HHAT: variants seen among roughly 807,000 people sequenced by gnomAD.
HHAT encodes hedgehog acyltransferase.
Under a neutral mutation model 70.8 loss-of-function variants are expected in HHAT, and 47 were observed. That is an observed-to-expected ratio of 0.66 (90% confidence interval 0.53 to 0.85). The LOEUF is 0.85. Ranked by LOEUF, HHAT falls within the 40% of genes least tolerant of loss-of-function variation. The pLI, the probability that HHAT is intolerant of heterozygous loss-of-function variation, is 0.00. For missense variants in HHAT, 609 were observed against 604.8 expected, an observed-to-expected ratio of 1.01 and a Z score of -0.07; for synonymous variants, 228 against 247.6, an observed-to-expected ratio of 0.92 and a Z score of 0.74.
rs1680806710 is a variant in HHAT at position 210,674,390 on chromosome 1, C to T, written c.*11C>T. On this transcript the variant is annotated 3_prime_UTR_variant, in exon 12 of 12. Coordinates refer to ENST00000261458, the MANE Select transcript of HHAT (RefSeq NM_018194.6). ...TACGCCACGGACTAATGCTGTTGGGCCCAGGCCAGTCCTTGTTGCTGGCCT... is the reference window on the plus strand; with the variant it reads ...TACGCCACGGACTAATGCTGTTGGGTCCAGGCCAGTCCTTGTTGCTGGCCT... 6.2e-7 allele frequency: 1 copy of T among 1,608,560 alleles called. No homozygotes were observed. Among genetic ancestry groups the T allele is most frequent in the African/African-American group, 1.3e-5 (1 of 74,836 alleles).
chr1:210,603,738 G>A lies in HHAT; in HGVS notation c.1245+15639G>A, dbSNP rs115880481. On this transcript the variant is annotated intron_variant, in intron 10 of 11. Coordinates refer to ENST00000261458, the MANE Select transcript of HHAT (RefSeq NM_018194.6). ...TTTTAAAGATCTAAGGCAGAGATGT[G>A]CAGGACTTCCAAAATAAAATTCTTC... is the stretch of plus-strand genomic sequence containing the variant. 2.8e-3 allele frequency among the ~76,000 whole-genome samples: 432 copies of A among 152,324 alleles called. 2 individuals are homozygous for A. The highest frequency in any genetic ancestry group is 5.2e-3 in the Non-Finnish European group (357 of 68,030).
intron 7 of HHAT, among the ~76,000 whole-genome samples, chr1:210,433,062 G>A (rs1390431628): frequency 6.6e-6 from 1 of 151,676 alleles, no homozygotes; most frequent in East Asian, 1.9e-4. Context: ...AGTAAAAGAT[G>A]TCTCTTTGTC....
rs188572757 is a variant in HHAT, at chr1:210,541,132, C to T, written c.1043+27944C>T. On this transcript the variant is annotated intron_variant, in intron 9 of 11. Coordinates refer to ENST00000261458, the MANE Select transcript of HHAT (RefSeq NM_018194.6). Reference sequence around the variant, plus strand: ...CAAGGATTACAGGTGTGAGCCACTGCGTCTAGCCAAGTATTGCTTTTTAAA... The same window carrying T: ...CAAGGATTACAGGTGTGAGCCACTGTGTCTAGCCAAGTATTGCTTTTTAAA... Among the ~76,000 whole-genome samples the T allele has an allele frequency of 5.5e-4, 83 of 152,148 alleles. 1 individual carries two copies. The highest frequency in any genetic ancestry group is 1.8e-3 in the African/African-American group (75 of 41,514).
At chr1:210,547,578 AT>A (rs1390282799) in intron 9 of HHAT, among the ~76,000 whole-genome samples, 2 of 152,152 alleles carry the variant, frequency 1.3e-5, no homozygotes, top group Non-Finnish European at 2.9e-5. Flanking sequence ...AAGGGCCTCT[AT>A]TTGGCAGTTT....
chr1:210,659,927 T>C (rs1248184355), intron 11 of HHAT, among the ~76,000 whole-genome samples: 1 of 152,094 alleles, frequency 6.6e-6, no homozygotes, highest in Non-Finnish European at 1.5e-5. Flanking sequence ...TTCAAAATAA[T>C]AAGAGCTATT....
chr1:210,365,602 G>T (rs2088866589), intron 3 of HHAT, among the ~76,000 whole-genome samples: 1 of 151,522 alleles, frequency 6.6e-6, no homozygotes, highest in African/African-American at 2.4e-5. Flanking sequence ...ACAGGTGTGG[G>T]CCACCATGCC....
chr1:210,526,367 G>GTTTTGTTTTGTTTTTTTTTTTTTTT lies in HHAT; in HGVS notation c.1043+13183_1043+13184insGTTTTGTTTTTTTTTTTTTTTTTTT. ...TAATAAACTAACCAGAGTGGGTTCT[G>GTTTTGTTTTGTTTTTTTTTTTTTTT]TTTTTTTTTTTGCCACTGAGATAAC... On this transcript the variant is annotated intron_variant, in intron 9 of 11. Coordinates refer to ENST00000261458, the MANE Select transcript of HHAT (RefSeq NM_018194.6). 3.5e-5 allele frequency among the ~76,000 whole-genome samples: 5 copies of GTTTTGTTTTGTTTTTTTTTTTTTTT among 142,424 alleles called. No homozygotes were observed. In the East Asian group the frequency reaches 9.0e-4, roughly 26 times the overall value. The allele number at this position is 142,424 out of a possible 152,430, so 93.4% of individuals were successfully genotyped here.
At chr1:210,380,770 C>G (rs1411963866) in intron 3 of HHAT, among the ~76,000 whole-genome samples, 1 of 151,846 alleles carries the variant, frequency 6.6e-6, no homozygotes, top group Non-Finnish European at 1.5e-5. Context: ...ATAGAGGGAG[C>G]AAAGTGTGGG....
chr1:210,671,933 G>A (rs982991935), intron 11 of HHAT, among the ~76,000 whole-genome samples: 3 of 152,192 alleles, frequency 2.0e-5, no homozygotes, highest in African/African-American at 7.2e-5. Context: ...AGGCTAAGGC[G>A]CAAGGAAGAC....
intron 9 of HHAT, among the ~76,000 whole-genome samples, chr1:210,518,445 C>A (rs976816580): frequency 6.6e-5 from 10 of 152,074 alleles, no homozygotes; most frequent in African/African-American, 2.4e-4. Flanking sequence ...GCATAGTATT[C>A]CATTGAGTTG....
At chr1:210,388,373 T>C (rs1372524470) in intron 4 of HHAT, among the ~76,000 whole-genome samples, 1 of 152,170 alleles carries the variant, frequency 6.6e-6, no homozygotes, top group African/African-American at 2.4e-5. Flanking sequence ...CAGAAACCTC[T>C]GGAGATTGAG....
chr1:210,387,197 T>G (rs1392042371), intron 3 of HHAT, among the ~76,000 whole-genome samples: 1 of 152,110 alleles, frequency 6.6e-6, no homozygotes, highest in Non-Finnish European at 1.5e-5. Flanking sequence ...ACAAAGACAC[T>G]GAGTTGTAGA....
chr1:210,666,256 G>A (rs1033501756), intron 11 of HHAT, among the ~76,000 whole-genome samples: 1 of 152,164 alleles, frequency 6.6e-6, no homozygotes, highest in African/African-American at 2.4e-5. Flanking sequence ...CATTAGGATG[G>A]ATTGATTTCT....
chr1:210,524,368 C>T (rs2095213715), intron 9 of HHAT, among the ~76,000 whole-genome samples: 1 of 152,068 alleles, frequency 6.6e-6, no homozygotes, highest in South Asian at 2.1e-4. Flanking sequence ...GGCAGGAAGG[C>T]CCTTTTTAAG....
chr1:210,387,734 T>C (rs1167841700), intron 4 of HHAT, among the ~76,000 whole-genome samples, 153 bp downstream of exon 4: 2 of 152,210 alleles, frequency 1.3e-5, no homozygotes, highest in Non-Finnish European at 2.9e-5. Flanking sequence ...ACATTTAAGA[T>C]AAAAGTTCAT....
At chr1:210,570,416 G>C (rs1179167411) in intron 9 of HHAT, among the ~76,000 whole-genome samples, 1 of 152,186 alleles carries the variant, frequency 6.6e-6, no homozygotes. Context: ...CTTTAAGAGT[G>C]GTGTTGGGCA....
chr1:210,383,926 A>G (rs1212168411), intron 3 of HHAT, among the ~76,000 whole-genome samples: 1 of 152,064 alleles, frequency 6.6e-6, no homozygotes, highest in Non-Finnish European at 1.5e-5. Flanking sequence ...CAGCACTGTT[A>G]CCCCTCTCAT....
At chr1:210,602,566 C>T (rs1423276647) in intron 10 of HHAT, among the ~76,000 whole-genome samples, 3 of 152,086 alleles carry the variant, frequency 2.0e-5, no homozygotes, top group Admixed American at 1.3e-4. Flanking sequence ...GTTAGAGAGG[C>T]CACATGGTTC....
intron 8 of HHAT, among the ~76,000 whole-genome samples, chr1:210,478,755 G>T (rs1161788046): frequency 6.6e-6 from 1 of 152,084 alleles, no homozygotes; most frequent in Admixed American, 6.5e-5. Context: ...ATCTATGCAG[G>T]CTGTTCTTGT....
Sources: allele counts gnomAD v4.1 joint callset (sites outside exome capture counted in the v4.1 genomes callset), GRCh38; gene constraint gnomAD v4.1.1; transcripts MANE v1.5; gene names NCBI Gene and HGNC (gene_info 2026-07-23, HGNC 2026-07-21).